Variants in VPS8 observed in about 807,000 individuals in gnomAD.
VPS8 encodes the protein VPS8 subunit of CORVET complex, also known as vacuolar protein sorting-associated protein 8 homolog.
In VPS8, 129 loss-of-function variants were observed where a neutral mutation model predicts 216.4. The observed-to-expected ratio is 0.60, with a 90% CI of 0.52 to 0.69. VPS8 has a LOEUF of 0.69. Ranked by LOEUF, VPS8 falls within the 30% of genes least tolerant of loss-of-function variation. The probability of loss-of-function intolerance (pLI) is 0.00; values close to 1 mark genes in which losing one functional copy is unlikely to be tolerated. For missense variants in VPS8, 1,531 were observed against 1,683.5 expected (o/e 0.91, Z 1.59); for synonymous variants, 571 against 565.4 (o/e 1.01, Z -0.14).
chr3:184,990,428 C>G (rs776454891), intron 42 of VPS8, among the ~76,000 whole-genome samples: 3 of 152,186 alleles, frequency 2.0e-5, no homozygotes, highest in Non-Finnish European at 4.4e-5. Flanking sequence ...AGTGCAGTGC[C>G]TGAAACATAG....
At chr3:184,849,334 T>A in intron 9 of VPS8, 139 bp downstream of exon 9, 1 of 1,062,358 alleles carries the variant, frequency 9.4e-7, no homozygotes. Flanking sequence ...TTGCTGAATC[T>A]GAGTTTTGTC....
chr3:185,051,883 TC>T lies in VPS8; in HGVS notation c.4147del (p.Leu1383SerfsTer43). 6.2e-7 allele frequency: 1 copy of T among 1,601,382 alleles called. No homozygotes were observed. The highest frequency in any genetic ancestry group is 8.5e-7 in the Non-Finnish European group (1 of 1,173,800). ...RLYRGSSRLA[L>X]LTELSQNRSS... ...TGTGTCCTTCCTTTGCAGCTGGCTCTCCTCACGGAACTCTCCCAGAATCGCA... is the reference window on the plus strand; with the variant it reads ...TGTGTCCTTCCTTTGCAGCTGGCTCTCTCACGGAACTCTCCCAGAATCGCA... On this transcript the variant is annotated frameshift_variant, in exon 48 of 48. Coordinates refer to ENST00000625842, the MANE Select transcript of VPS8 (RefSeq NM_001009921.3). LOFTEE classifies it high-confidence loss of function.
intron 22 of VPS8, among the ~76,000 whole-genome samples, chr3:184,890,372 C>T (rs1198976163): frequency 7.9e-5 from 12 of 152,092 alleles, no homozygotes. Flanking sequence ...TCACTCAATC[C>T]TGTTCCCCAG....
intron 20 of VPS8, 67 bp downstream of exon 20, chr3:184,869,595 T>G: frequency 6.6e-7 from 1 of 1,516,362 alleles, no homozygotes. Flanking sequence ...TGCCAGTATC[T>G]TTGGGCATGA....
chr3:185,035,020 C>T (rs1249681144), intron 46 of VPS8, among the ~76,000 whole-genome samples: 1 of 152,070 alleles, frequency 6.6e-6, no homozygotes, highest in African/African-American at 2.4e-5. Context: ...TTCCTGGAAA[C>T]ATACACAATC....
At chr3:184,873,894 T>C (rs1728784745) in intron 21 of VPS8, among the ~76,000 whole-genome samples, 2 of 152,280 alleles carry the variant, frequency 1.3e-5, no homozygotes, top group South Asian at 4.1e-4. Context: ...CTTGATTAAG[T>C]GTGGAGTATA....
intron 16 of VPS8, among the ~76,000 whole-genome samples, chr3:184,866,394 G>C (rs922783980): frequency 1.3e-5 from 2 of 152,224 alleles, no homozygotes; most frequent in African/African-American, 4.8e-5. Context: ...TGGGTTTGGA[G>C]GTGGGAATGG....
intron 22 of VPS8, among the ~76,000 whole-genome samples, chr3:184,889,960 A>T (rs1732037770): frequency 6.6e-6 from 1 of 152,210 alleles, no homozygotes; most frequent in African/African-American, 2.4e-5. Context: ...TTTATTAGAT[A>T]CAAGAATTCT....
At chr3:185,037,889 T>G (rs1319634896) in intron 46 of VPS8, among the ~76,000 whole-genome samples, 1 of 152,210 alleles carries the variant, frequency 6.6e-6, no homozygotes, top group Non-Finnish European at 1.5e-5. Context: ...TAAACCATGC[T>G]TTCCTTTAGT....
chr3:184,824,540 A>C lies in VPS8; in HGVS notation c.-88-5A>C. 1 of 1,341,414 alleles carries C rather than the reference A, an allele frequency of 7.5e-7. No homozygotes were observed. The highest frequency in any genetic ancestry group is 1.0e-6 in the Non-Finnish European group (1 of 983,506). The allele number at this position is 1,341,414 out of a possible 1,614,324, so 83.1% of individuals were successfully genotyped here. On this transcript the variant is annotated splice_region_variant and splice_polypyrimidine_tract_variant and intron_variant, in intron 1 of 47. Transcript: ENST00000625842. ...TTGTTTTTGTTTTTTTCTTTTTTTG[A>C]AAAGAGATAATCATTCAGGTCTTCG...
rs114902875 is a variant in VPS8, at chr3:184,898,692, G to A, written c.2094+38G>A. 5,245 of 1,462,026 alleles carry A rather than the reference G, an allele frequency of 3.6e-3. 179 individuals carry two copies. The African/African-American group carries it at 0.066, about 19-fold the overall frequency. 90.6% of individuals were successfully genotyped at this position (1,462,026 alleles called of 1,614,324 possible). A position where few individuals can be genotyped will look rare whatever the true frequency, so the allele number is the denominator to read the frequency against. ...CTAACTTGGATACGTAATTAATTTT[G>A]TCTACTAACTTTTTTCTCCTATTCT... On this transcript the variant is annotated intron_variant, in intron 24 of 47. Transcript: ENST00000625842.
Position 184,841,565 on chromosome 3 carries a change from A to G in VPS8, c.536-1675A>G, listed in dbSNP as rs181252341. 7.6e-4 allele frequency among the ~76,000 whole-genome samples: 116 copies of G among 152,284 alleles called. 1 individual carries two copies. Among genetic ancestry groups the G allele is most frequent in the Admixed American group, 2.9e-3 (45 of 15,298 alleles). On this transcript the variant is annotated intron_variant, in intron 7 of 47. Transcript: ENST00000625842. ...GTCCATGATTACTTTTTTAGGACAG[A>G]TGTTCCTAAAGGTGGAATTGCTTGG...
intron 37 of VPS8, among the ~76,000 whole-genome samples, chr3:184,963,413 C>G (rs568691582): frequency 6.6e-6 from 1 of 152,028 alleles, no homozygotes; most frequent in African/African-American, 2.4e-5. Context: ...TTCATAGTTA[C>G]TTTATAGTTT....
At chr3:184,825,568 T>C (rs1718581140) in intron 2 of VPS8, among the ~76,000 whole-genome samples, 1 of 152,212 alleles carries the variant, frequency 6.6e-6, no homozygotes, top group Non-Finnish European at 1.5e-5. Flanking sequence ...TGTTTTGTCA[T>C]GTTTAAGAAA....
intron 37 of VPS8, among the ~76,000 whole-genome samples, chr3:184,958,525 G>T (rs898751888): frequency 6.6e-6 from 1 of 152,194 alleles, no homozygotes; most frequent in African/African-American, 2.4e-5. Flanking sequence ...CAATCGGACA[G>T]ATTTTCCTGG....
intron 44 of VPS8, 54 bp from the exon 45 acceptor site, chr3:184,999,642 A>G (rs1211522448): frequency 3.3e-6 from 5 of 1,535,822 alleles, no homozygotes; most frequent in East Asian, 4.6e-5. Context: ...ACAAGCTTAT[A>G]TTTATGGATT....
intron 1 of VPS8, among the ~76,000 whole-genome samples, chr3:184,818,023 A>G (rs1470274173): frequency 1.3e-5 from 2 of 152,214 alleles, no homozygotes; most frequent in African/African-American, 4.8e-5. Context: ...AAAGGAAGTT[A>G]GATAAATGTA....
intron 34 of VPS8, 72 bp from the exon 35 acceptor site, chr3:184,936,174 G>A (rs1741576009): frequency 1.8e-5 from 23 of 1,312,012 alleles, no homozygotes; most frequent in Admixed American, 2.1e-5. Flanking sequence ...GTAGGTAATC[G>A]TGCCTCACAT....
chr3:185,003,842 C>T (rs1045023355), intron 45 of VPS8, among the ~76,000 whole-genome samples: 23 of 150,288 alleles, frequency 1.5e-4, no homozygotes, highest in African/African-American at 4.9e-4. Context: ...ACTTCTCAGA[C>T]GGGGCGGCCG....
Sources: gnomAD v4.1 joint callset for allele counts (sites outside exome capture counted in the v4.1 genomes callset) on GRCh38, gnomAD v4.1.1 for gene constraint, MANE v1.5 for transcripts, NCBI Gene and HGNC (gene_info 2026-07-23, HGNC 2026-07-21) for gene names.